ODF2: variants seen among roughly 807,000 people sequenced by gnomAD.
ODF2 encodes the protein outer dense fiber protein 2.
Under a neutral mutation model 110.2 loss-of-function variants are expected in ODF2, and 47 were observed. The observed-to-expected ratio is 0.43, with a 90% CI of 0.34 to 0.54. ODF2 has a LOEUF of 0.54. Ranked by LOEUF, ODF2 falls within the 20% of genes least tolerant of loss-of-function variation. The pLI, the probability that ODF2 is intolerant of heterozygous loss-of-function variation, is 0.03. For synonymous variants in ODF2, 352 were observed against 397.7 expected (o/e 0.89, Z 1.37); for missense variants, 812 against 1,054.5 (o/e 0.77, Z 3.19).
chr9:128,457,501 G>C, intron 2 of ODF2: 1 of 1,511,348 alleles, frequency 6.6e-7, no homozygotes, highest in Admixed American at 2.2e-5. Context: ...GGTCCCCAGG[G>C]CAGGCTCGCC....
chr9:128,492,570 A>G lies in ODF2; in HGVS notation c.1647+34A>G, dbSNP rs375085766. 2,424 of 1,555,254 alleles carry G rather than the reference A, an allele frequency of 1.6e-3. 5 individuals are homozygous for G. The highest frequency in any genetic ancestry group is 2.0e-3 in the Non-Finnish European group (2,216 of 1,130,342). On this transcript the variant is annotated intron_variant, in intron 15 of 20. Transcript: ENST00000604420. ...CACTGGGGCCCTGGCCCTTCTGAGC[A>G]GTGCCCTCCCTGCCCCCATCAGACT... is the stretch of plus-strand genomic sequence containing the variant.
exon 11 of ODF2, chr9:128,484,023 C>T (rs1461819767): frequency 6.2e-7 from 1 of 1,613,032 alleles, no homozygotes; most frequent in East Asian, 2.2e-5. Flanking sequence ...TCCAAAGAGG[C>T]TGAGAACAGT....
chr9:128,500,191 G>A (rs541803466), exon 21 of ODF2: 5 of 1,614,062 alleles, frequency 3.1e-6, no homozygotes, highest in Non-Finnish European at 4.2e-6. Flanking sequence ...AACGTGTTTG[G>A]GGATGGTCCC....
intron 14 of ODF2, among the ~76,000 whole-genome samples, chr9:128,489,663 A>G (rs1021757572): frequency 1.3e-5 from 2 of 152,168 alleles, no homozygotes; most frequent in African/African-American, 4.8e-5. Flanking sequence ...GGGTTTCCAT[A>G]GTGTTGCTGT....
At chr9:128,473,504 G>T (rs963159989) in intron 7 of ODF2, 106 bp from the exon 8 acceptor site, 20 of 1,534,610 alleles carry the variant, frequency 1.3e-5, no homozygotes, top group Middle Eastern at 4.8e-4. Context: ...TACACAGCCT[G>T]GTTCTCCTTG....
chr9:128,480,791 T>C (rs1443442871), intron 8 of ODF2, among the ~76,000 whole-genome samples: 2 of 152,046 alleles, frequency 1.3e-5, no homozygotes, highest in South Asian at 4.1e-4. Context: ...CACTCCAGCC[T>C]GGGGGACAAG....
intron 8 of ODF2, among the ~76,000 whole-genome samples, chr9:128,478,742 GC>G (rs1469475480): frequency 6.6e-6 from 1 of 152,124 alleles, no homozygotes; most frequent in African/African-American, 2.4e-5. Flanking sequence ...GGTGTTTTGT[GC>G]TTTGTCCAGG....
At chr9:128,482,581 A>G (rs1488298977) in intron 9 of ODF2, among the ~76,000 whole-genome samples, 1 of 152,158 alleles carries the variant, frequency 6.6e-6, no homozygotes. Flanking sequence ...GTGTGTTCTC[A>G]ATGTTTTCTA....
At chr9:128,474,051 G>C (rs915274936) in intron 8 of ODF2, among the ~76,000 whole-genome samples, 2 of 152,152 alleles carry the variant, frequency 1.3e-5, no homozygotes, top group African/African-American at 4.8e-5. Flanking sequence ...TGTTCAGTAA[G>C]AGAATGATTA....
intron 16 of ODF2, 108 bp downstream of exon 16, chr9:128,492,913 C>T (rs1485970344): frequency 1.2e-6 from 1 of 852,890 alleles, no homozygotes; most frequent in Non-Finnish European, 1.9e-6. Context: ...ATTTGGGCAA[C>T]AAAGGTGAGC....
At chr9:128,499,886 A>G (rs1182871299) in intron 20 of ODF2, among the ~76,000 whole-genome samples, 181 bp from the exon 21 acceptor site, 2 of 152,186 alleles carry the variant, frequency 1.3e-5, no homozygotes, top group African/African-American at 4.8e-5. Flanking sequence ...TTGGGATTAT[A>G]GGCATGAGCC....
chr9:128,466,981 A>T (rs1490002855), intron 4 of ODF2, among the ~76,000 whole-genome samples: 1 of 16,800 alleles, frequency 6.0e-5, no homozygotes, highest in Non-Finnish European at 1.0e-4. Context: ...CATCTCAATT[A>T]AAAAAAAAAA....
At chr9:128,455,238 C>G, upstream of ODF2, 1 of 1,535,228 alleles carries the variant, frequency 6.5e-7, no homozygotes, top group Non-Finnish European at 8.7e-7. Flanking sequence ...GGTCTGTACA[C>G]AGAGCGGCAT....
intron 14 of ODF2, among the ~76,000 whole-genome samples, chr9:128,491,731 A>G (rs576603867): frequency 3.9e-5 from 6 of 152,158 alleles, no homozygotes; most frequent in Non-Finnish European, 5.9e-5. Context: ...GGGAAAAACT[A>G]TGTTACATAG....
chr9:128,499,188 T>C, intron 20 of ODF2, 62 bp downstream of exon 20: 1 of 1,598,454 alleles, frequency 6.3e-7, no homozygotes, highest in Non-Finnish European at 8.5e-7. Flanking sequence ...CTGTGGGGCC[T>C]GTGGGCCAAG....
chr9:128,469,408 C>G (rs1472651358), intron 5 of ODF2, 55 bp downstream of exon 5: 1 of 1,580,848 alleles, frequency 6.3e-7, no homozygotes, highest in Non-Finnish European at 8.7e-7. Context: ...GCAGGAGCAC[C>G]CAGGTGGATT....
intron 8 of ODF2, among the ~76,000 whole-genome samples, chr9:128,474,971 A>C (rs545623382): frequency 6.6e-6 from 1 of 152,290 alleles, no homozygotes; most frequent in East Asian, 1.9e-4. Flanking sequence ...TCTGAAAAAA[A>C]AAAAAAGTTG....
chr9:128,470,901 A>AT (rs1277013795), intron 5 of ODF2, among the ~76,000 whole-genome samples: 124 of 115,126 alleles, frequency 1.1e-3, no homozygotes, highest in African/African-American at 4.1e-3. Context: ...AAGGCTCCTT[A>AT]TTTTTTTGTT....
At position 128,483,817 on chromosome 9, in the gene ODF2, T is replaced by A. The variant is rs929191337; in HGVS notation, c.988-121T>A. On this transcript the variant is annotated intron_variant, in intron 10 of 20. Transcript: ENST00000604420. Reference sequence around the variant, plus strand: ...GGGAGAATCGCTGGAGCCCAAGAGGTGGAGGTTGCAGTGAGCTGAGATTGC... The same window carrying A: ...GGGAGAATCGCTGGAGCCCAAGAGGAGGAGGTTGCAGTGAGCTGAGATTGC... 18 of 735,482 alleles carry A rather than the reference T, an allele frequency of 2.4e-5. No individual in the cohort carries two copies. In the African/African-American group the frequency reaches 2.6e-4, roughly 11 times the overall value. 45.6% of individuals were successfully genotyped at this position (735,482 alleles called of 1,614,324 possible). A position where few individuals can be genotyped will look rare whatever the true frequency, so the allele number is the denominator to read the frequency against.
Sources: gnomAD v4.1 joint callset for allele counts (sites outside exome capture counted in the v4.1 genomes callset) on GRCh38, gnomAD v4.1.1 for gene constraint, MANE v1.5 for transcripts, NCBI Gene and HGNC (gene_info 2026-07-23, HGNC 2026-07-21) for gene names.